AR: variants seen among roughly 807,000 people sequenced by gnomAD.
AR encodes the protein dihydrotestosterone receptor.
AR carries 8 observed loss-of-function variants against 53.9 expected under a neutral mutation model. That is an observed-to-expected ratio of 0.15 (90% CI 0.09 to 0.27). AR has a LOEUF of 0.27. Among genes scored for constraint, AR ranks in the 10% least tolerant of loss-of-function variants. The pLI, the probability that AR is intolerant of heterozygous loss-of-function variation, is 1.00. For missense variants in AR, 639 were observed against 742.5 expected (o/e 0.86, Z 1.62); for synonymous variants, 359 against 316.4 (o/e 1.13, Z -1.43).
chrX:67,568,113 C>T (rs984290642), intron 1 of AR, among the ~76,000 whole-genome samples: 1 of 111,558 alleles, frequency 9.0e-6, no homozygotes, highest in Non-Finnish European at 1.9e-5. Context: ...TCAAACTTAA[C>T]ATTAGAAGCT....
chrX:67,721,692 T>C (rs1394964392), intron 5 of AR, 141 bp from the exon 6 acceptor site: 3 of 844,020 alleles, frequency 3.6e-6, no homozygotes, highest in African/African-American at 2.0e-5. Flanking sequence ...AAAAACCTTT[T>C]CCTGGTCCCT....
At chrX:67,688,589 C>T (rs1387557658) in intron 3 of AR, among the ~76,000 whole-genome samples, 1 of 111,483 alleles carries the variant, frequency 9.0e-6, no homozygotes, top group African/African-American at 3.3e-5. Context: ...CGCCAGAAAA[C>T]ACTCTTGATT....
chrX:67,568,308 A>G (rs1921644915), intron 1 of AR, among the ~76,000 whole-genome samples: 2 of 111,927 alleles, frequency 1.8e-5, no homozygotes. Flanking sequence ...AAGAATCAGA[A>G]ATAGTCATAA....
intron 1 of AR, among the ~76,000 whole-genome samples, chrX:67,614,528 C>G (rs575039693): frequency 3.7e-4 from 41 of 111,445 alleles, no homozygotes; most frequent in African/African-American, 1.3e-3. Context: ...AAACCAATTT[C>G]ACAGAAGCAG....
At chrX:67,699,681 G>A (rs753016780) in intron 3 of AR, among the ~76,000 whole-genome samples, 8 of 110,863 alleles carry the variant, frequency 7.2e-5, no homozygotes, top group South Asian at 7.7e-4. Flanking sequence ...CTCGGGGACC[G>A]TCTTAGAAGT....
At chrX:67,695,906 G>C in intron 3 of AR, 1 of 753,816 alleles carries the variant, frequency 1.3e-6, no homozygotes, top group Non-Finnish European at 1.6e-6. Flanking sequence ...AGGACTTCAG[G>C]AGGGGAGTTT....
At chrX:67,630,892 C>T (rs769470547) in intron 1 of AR, among the ~76,000 whole-genome samples, 1 of 110,401 alleles carries the variant, frequency 9.1e-6, no homozygotes, top group South Asian at 4.0e-4. Flanking sequence ...TTCTCCTTCA[C>T]TTATGAAGCT....
intron 2 of AR, among the ~76,000 whole-genome samples, chrX:67,684,933 G>A (rs2075957623): frequency 9.0e-6 from 1 of 110,612 alleles, no homozygotes; most frequent in African/African-American, 3.3e-5. Flanking sequence ...CCGACCACAA[G>A]CATTCTTCCT....
intron 1 of AR, among the ~76,000 whole-genome samples, chrX:67,613,877 A>G (rs1420154125): frequency 8.9e-6 from 1 of 112,206 alleles, no homozygotes; most frequent in East Asian, 2.8e-4. Flanking sequence ...ATAATTTCTG[A>G]AGTGTTTGTC....
chrX:67,652,181 C>T (rs1351079379), intron 2 of AR, among the ~76,000 whole-genome samples: 1 of 111,691 alleles, frequency 9.0e-6, no homozygotes, highest in Non-Finnish European at 1.9e-5. Flanking sequence ...GAGGCAGCAA[C>T]TTGTTTTCCT....
chrX:67,699,319 A>G (rs2076033212), intron 3 of AR, among the ~76,000 whole-genome samples: 2 of 111,916 alleles, frequency 1.8e-5, no homozygotes, highest in African/African-American at 6.5e-5. Context: ...TAATTATTGC[A>G]GGATTCAGTT....
At chrX:67,625,629 G>A (rs775680828) in intron 1 of AR, among the ~76,000 whole-genome samples, 3 of 111,356 alleles carry the variant, frequency 2.7e-5, no homozygotes, top group Non-Finnish European at 5.7e-5. Context: ...ACTTTCAAAA[G>A]TGTTGCTAAG....
intron 4 of AR, among the ~76,000 whole-genome samples, chrX:67,715,308 C>CA (rs11424271): frequency 0.15 from 16,231 of 110,280 alleles, 1,526 homozygotes; most frequent in African/African-American, 0.34. Context: ...AGAAGGGTTC[C>CA]AAGCAGGAAC....
At chrX:67,647,967 C>G (rs922340343) in intron 2 of AR, among the ~76,000 whole-genome samples, 1 of 112,111 alleles carries the variant, frequency 8.9e-6, no homozygotes, top group Non-Finnish European at 1.9e-5. Context: ...TCATTCTTAG[C>G]TCTTTGGGCC....
chrX:67,616,149 T>G lies in AR; in HGVS notation c.1617-27107T>G, dbSNP rs749694749. On this transcript the variant is annotated intron_variant, in intron 1 of 7. Transcript: ENST00000374690. ...TGAGAAAATGATGCAAAAATACAGT[T>G]TTAAAAAGTTAAAAACATAGTTTAG... Among the ~76,000 whole-genome samples, 6 of 111,244 alleles carry G rather than the reference T, an allele frequency of 5.4e-5. No homozygotes were observed. In the East Asian group the frequency reaches 1.7e-3, roughly 32 times the overall value.
chrX:67,611,274 A>T (rs1923868773), intron 1 of AR, among the ~76,000 whole-genome samples: 1 of 111,682 alleles, frequency 9.0e-6, no homozygotes, highest in Non-Finnish European at 1.9e-5. Context: ...TATAAATAAC[A>T]GTTTATCATC....
At chrX:67,682,352 A>G (rs1485453142) in intron 2 of AR, among the ~76,000 whole-genome samples, 2 of 111,314 alleles carry the variant, frequency 1.8e-5, no homozygotes, top group Non-Finnish European at 3.8e-5. Flanking sequence ...TACCACAATC[A>G]CAGCTTACTT....
chrX:67,642,425 T>C (rs1925829078), intron 1 of AR, among the ~76,000 whole-genome samples: 1 of 111,644 alleles, frequency 9.0e-6, no homozygotes, highest in Non-Finnish European at 1.9e-5. Context: ...TGAAAGAGCT[T>C]GGGCGCAGAA....
chrX:67,665,522 G>C (rs1927219031), intron 2 of AR, among the ~76,000 whole-genome samples: 1 of 112,145 alleles, frequency 8.9e-6, no homozygotes, highest in East Asian at 2.8e-4. Flanking sequence ...TAAGGTGGCT[G>C]ACTCTCTTTT....
Sources: gnomAD v4.1 joint callset for allele counts (sites outside exome capture counted in the v4.1 genomes callset) on GRCh38, gnomAD v4.1.1 for gene constraint, MANE v1.5 for transcripts, NCBI Gene and HGNC (gene_info 2026-07-23, HGNC 2026-07-21) for gene names.